Variants in PRR16 observed in about 807,000 individuals in gnomAD.
The protein encoded by PRR16 is proline rich 16, also known as protein Largen.
A neutral mutation model predicts 18.2 loss-of-function variants in PRR16; 6 were observed. That is an observed-to-expected ratio of 0.33 (90% CI 0.18 to 0.65). The LOEUF is 0.65. Among genes scored for constraint, PRR16 ranks in the 30% least tolerant of loss-of-function variants. PRR16 has a pLI of 0.74. For synonymous variants in PRR16, 151 were observed against 147.8 expected, an observed-to-expected ratio of 1.02 and a Z score of -0.16; for missense variants, 412 against 376.6, an observed-to-expected ratio of 1.09 and a Z score of -0.78.
intron 1 of PRR16, among the ~76,000 whole-genome samples, chr5:120,493,432 A>G (rs58047924): frequency 0.025 from 3,757 of 152,200 alleles, 120 homozygotes; most frequent in African/African-American, 0.074. Flanking sequence ...CCAGTCTTTA[A>G]TAAGTTGATA....
chr5:120,550,262 G>A (rs542074917), intron 1 of PRR16, among the ~76,000 whole-genome samples: 1 of 152,124 alleles, frequency 6.6e-6, no homozygotes, highest in Admixed American at 6.6e-5. Context: ...TAATGGATGT[G>A]CATGTTGGGT....
the PRR16 span, among the ~76,000 whole-genome samples, chr5:120,777,085 T>TTC: frequency 3.3e-5 from 5 of 152,076 alleles, no homozygotes; most frequent in Non-Finnish European, 5.9e-5. Flanking sequence ...AAGCTCTTGG[T>TTC]TCTCATAGAG....
intron 1 of PRR16, among the ~76,000 whole-genome samples, chr5:120,630,898 T>C (rs942927689): frequency 2.0e-5 from 3 of 152,170 alleles, no homozygotes; most frequent in Non-Finnish European, 4.4e-5. Context: ...TTTTGAGAGA[T>C]GTTTTAAGTT....
chr5:120,700,274 T>G, the PRR16 span, among the ~76,000 whole-genome samples: 1 of 152,142 alleles, frequency 6.6e-6, no homozygotes, highest in East Asian at 1.9e-4. Context: ...AAGGCCATGC[T>G]GTAGCAGGCG....
intron 1 of PRR16, among the ~76,000 whole-genome samples, chr5:120,649,219 C>A (rs1487107623): frequency 1.3e-5 from 2 of 151,960 alleles, no homozygotes; most frequent in African/African-American, 4.8e-5. Context: ...ATATTCTTTT[C>A]TCCTATTATT....
intron 1 of PRR16, among the ~76,000 whole-genome samples, chr5:120,610,706 G>A (rs1754306781): frequency 6.6e-6 from 1 of 152,166 alleles, no homozygotes; most frequent in Non-Finnish European, 1.5e-5. Context: ...CCCCAGATAT[G>A]TGGAACTATA....
At chr5:120,789,296 A>G in the PRR16 span, among the ~76,000 whole-genome samples, 2 of 152,110 alleles carry the variant, frequency 1.3e-5, no homozygotes, top group Non-Finnish European at 2.9e-5. Flanking sequence ...AAGTGGTGCT[A>G]AACATGTCTG....
At chr5:120,700,476 A>G in the PRR16 span, among the ~76,000 whole-genome samples, 32 of 152,092 alleles carry the variant, frequency 2.1e-4, no homozygotes, top group African/African-American at 5.3e-4. Flanking sequence ...AGGAGGCTTT[A>G]GATTGTGAAG....
the PRR16 span, among the ~76,000 whole-genome samples, chr5:120,754,493 T>TATATTATATAATATATA: frequency 3.3e-5 from 2 of 61,210 alleles, no homozygotes; most frequent in African/African-American, 1.3e-4. Context: ...ATATATAGTA[T>TATATTATATAATATATA]GTATTTTATT....
At chr5:120,765,128 AAAATTATATGGTTCT>A in the PRR16 span, among the ~76,000 whole-genome samples, 1 of 126,594 alleles carries the variant, frequency 7.9e-6, no homozygotes, top group Non-Finnish European at 1.7e-5. Flanking sequence ...AAAAGAGAAC[AAAATTATATGGTTCT>A]AAAATGAAAT....
intron 1 of PRR16, among the ~76,000 whole-genome samples, chr5:120,591,078 G>A (rs966769891): frequency 6.6e-6 from 1 of 152,006 alleles, no homozygotes; most frequent in Non-Finnish European, 1.5e-5. Context: ...AGGAGTTTGA[G>A]ACCAGCCTGG....
chr5:120,696,491 A>G, the PRR16 span, among the ~76,000 whole-genome samples: 2 of 152,240 alleles, frequency 1.3e-5, no homozygotes, highest in African/African-American at 4.8e-5. Flanking sequence ...TTCAAGTTGA[A>G]GAAATTTAAA....
At chr5:120,779,426 CA>C in the PRR16 span, among the ~76,000 whole-genome samples, 1 of 148,812 alleles carries the variant, frequency 6.7e-6, no homozygotes, top group Non-Finnish European at 1.5e-5. Context: ...CAAAACAAAA[CA>C]AAAAAACACA....
At chr5:120,474,503 G>A (rs1334234648) in intron 1 of PRR16, among the ~76,000 whole-genome samples, 1 of 151,510 alleles carries the variant, frequency 6.6e-6, no homozygotes, top group East Asian at 1.9e-4. Flanking sequence ...ACTTAATATT[G>A]TTTTTGCTAC....
intron 1 of PRR16, among the ~76,000 whole-genome samples, chr5:120,650,089 G>C (rs367808969): frequency 6.6e-6 from 1 of 151,584 alleles, no homozygotes; most frequent in Non-Finnish European, 1.5e-5. Flanking sequence ...GTGGCAGCGC[G>C]CGTCTGTAGT....
the PRR16 span, among the ~76,000 whole-genome samples, chr5:120,753,381 G>C: frequency 1.3e-5 from 2 of 151,910 alleles, no homozygotes; most frequent in East Asian, 3.9e-4. Context: ...GTAAGAGGAA[G>C]AACAGGTACG....
chr5:120,572,297 A>T (rs552002223), intron 1 of PRR16, among the ~76,000 whole-genome samples: 1 of 152,260 alleles, frequency 6.6e-6, no homozygotes, highest in Non-Finnish European at 1.5e-5. Flanking sequence ...CCATAGTACA[A>T]GGTTGTAAGA....
rs545662032 is a variant in PRR16, at chr5:120,683,198, T to A, written c.160-2756T>A. On this transcript the variant is annotated intron_variant, in intron 1 of 1. Coordinates refer to ENST00000407149, the MANE Select transcript of PRR16 (RefSeq NM_001300783.2). Reference sequence around the variant, plus strand: ...CTAGCTAAAAATCAATCATATTTTTTAAAAATTTTGTGAGCTGGTTGGTTG... The same window carrying A: ...CTAGCTAAAAATCAATCATATTTTTAAAAAATTTTGTGAGCTGGTTGGTTG... Among the ~76,000 whole-genome samples the A allele has an allele frequency of 1.3e-4, 20 of 152,254 alleles. No homozygotes were observed. In the South Asian group the frequency reaches 3.9e-3, roughly 30 times the overall value.
chr5:120,608,570 A>G (rs953220518), intron 1 of PRR16, among the ~76,000 whole-genome samples: 2 of 152,236 alleles, frequency 1.3e-5, no homozygotes, highest in Non-Finnish European at 2.9e-5. Flanking sequence ...AGCAGTTAGA[A>G]AAAAAGGCTA....
Sources: allele counts gnomAD v4.1 joint callset (sites outside exome capture counted in the v4.1 genomes callset), GRCh38; gene constraint gnomAD v4.1.1; transcripts MANE v1.5; gene names NCBI Gene and HGNC (gene_info 2026-07-23, HGNC 2026-07-21).